CLASRP: variants seen among roughly 807,000 people sequenced by gnomAD.
CLASRP encodes the protein CLK4-associating serine/arginine rich protein.
CLASRP carries 52 observed loss-of-function variants against 99.9 expected under a neutral mutation model. That is an observed-to-expected ratio of 0.52 (90% confidence interval 0.42 to 0.66). The LOEUF (loss-of-function observed/expected upper bound fraction) is 0.66, where lower values mean the gene tolerates loss of function less well. Among genes scored for constraint, CLASRP ranks in the 30% least tolerant of loss-of-function variants. The probability of loss-of-function intolerance (pLI) is 0.00; values close to 1 mark genes in which losing one functional copy is unlikely to be tolerated. For missense variants in CLASRP, 848 were observed against 999.2 expected (o/e 0.85, Z 2.04); for synonymous variants, 379 against 373.0 (o/e 1.02, Z -0.18).
intron 7 of CLASRP, 83 bp from the exon 8 acceptor site, chr19:45,059,185 C>G (rs1966885059): frequency 8.3e-7 from 1 of 1,204,752 alleles, no homozygotes; most frequent in Admixed American, 2.0e-5. Flanking sequence ...GGCGCCCCAT[C>G]ATCCCCGCCT....
Position 45,070,853 on chromosome 19 carries a change from AGTGGGGG to A in CLASRP, c.*15_*21del. On this transcript the variant is annotated 3_prime_UTR_variant, in exon 21 of 21. Coordinates refer to ENST00000221455, the MANE Select transcript of CLASRP (RefSeq NM_007056.3). ...CCCCATTACCGACATTAGGCAGAAG[AGTGGGGG>A]GTGGGGAGGACAAGGGGGTGGGTAA... The A allele has an allele frequency of 1.1e-6, 1 of 909,050 alleles. No homozygotes were observed. Among genetic ancestry groups the A allele is most frequent in the Non-Finnish European group, 1.6e-6 (1 of 611,390 alleles). 56.3% of individuals were successfully genotyped at this position (909,050 alleles called of 1,614,324 possible).
chr19:45,052,532 G>A (rs886592418), intron 3 of CLASRP, among the ~76,000 whole-genome samples: 1 of 152,114 alleles, frequency 6.6e-6, no homozygotes, highest in Non-Finnish European at 1.5e-5. Flanking sequence ...TTGCTTGGTT[G>A]TGAGAAATGG....
At position 45,068,499 on chromosome 19, in the gene CLASRP, C is replaced by T. The variant is rs764855238; in HGVS notation, c.1768+19C>T. ...AGGCAGTGTATGTTCTGCCCTGTCC[C>T]TCCAGGGTTTCACAGCTCTTCTTTC... On this transcript the variant is annotated intron_variant, in intron 16 of 20. Coordinates refer to ENST00000221455, the MANE Select transcript of CLASRP (RefSeq NM_007056.3). 2 of 1,588,458 alleles carry T rather than the reference C, an allele frequency of 1.3e-6. No individual in the cohort carries two copies. Among genetic ancestry groups the T allele is most frequent in the African/African-American group, 1.3e-5 (1 of 74,490 alleles).
At chr19:45,055,599 T>C (rs1302766661) in intron 5 of CLASRP, among the ~76,000 whole-genome samples, 1 of 151,784 alleles carries the variant, frequency 6.6e-6, no homozygotes, top group South Asian at 2.1e-4. Flanking sequence ...CTTTGGGAGG[T>C]TGAGGCGGTG....
chr19:45,068,309 T>TGTGCCCCCC, intron 15 of CLASRP, 111 bp from the exon 16 acceptor site: 1 of 651,146 alleles, frequency 1.5e-6, no homozygotes. Context: ...CCCACGTCGT[T>TGTGCCCCCC]CTCCCCCCCC....
In CLASRP at chr19:45,060,786, C is replaced by T. The variant is rs944472367; in HGVS notation, c.863+159C>T. On this transcript the variant is annotated intron_variant, in intron 10 of 20. Transcript: ENST00000221455. The surrounding 1 kb of genome is among the most constrained non-coding windows in gnomAD (Gnocchi z 4.6). ...CATCGTGAAGGTTTAGAGGTAGGAA[C>T]GGCCTTGAGGGCCATGTGGACTCCT... 2.0e-5 allele frequency among the ~76,000 whole-genome samples: 3 copies of T among 152,196 alleles called. No homozygotes were observed. The highest frequency in any genetic ancestry group is 2.9e-5 in the Non-Finnish European group (2 of 68,026).
chr19:45,065,370 CAG>C (rs1023502908), intron 13 of CLASRP, among the ~76,000 whole-genome samples: 9 of 137,604 alleles, frequency 6.5e-5, no homozygotes, highest in African/African-American at 2.5e-4. Flanking sequence ...AGCCTGGTGA[CAG>C]AGTGAGATTC....
At chr19:45,048,492 C>T (rs1455852194) in intron 2 of CLASRP, among the ~76,000 whole-genome samples, 1 of 151,412 alleles carries the variant, frequency 6.6e-6, no homozygotes, top group Non-Finnish European at 1.5e-5. Context: ...TGCCATTGCA[C>T]TCCAGCCTGG....
At chr19:45,041,185 G>C (rs1971805682) in intron 2 of CLASRP, among the ~76,000 whole-genome samples, 2 of 147,748 alleles carry the variant, frequency 1.4e-5, no homozygotes, top group South Asian at 4.3e-4. Flanking sequence ...AGCTGAGATA[G>C]CACCATTGCA....
chr19:45,060,753 T>C lies in CLASRP; in HGVS notation c.863+126T>C. On this transcript the variant is annotated intron_variant, in intron 10 of 20. Transcript: ENST00000221455. The surrounding 1 kb of genome is among the most constrained non-coding windows in gnomAD (Gnocchi z 4.6). ...GAAAGGAGTCTTTCTAGTGGGGCGATGCATGGCCATCGTGAAGGTTTAGAG... is the reference window on the plus strand; with the variant it reads ...GAAAGGAGTCTTTCTAGTGGGGCGACGCATGGCCATCGTGAAGGTTTAGAG... 1.4e-6 allele frequency: 1 copy of C among 735,088 alleles called. No homozygotes were observed. The highest frequency in any genetic ancestry group is 2.2e-6 in the Non-Finnish European group (1 of 448,426). The allele number at this position is 735,088 out of a possible 1,614,324, so 45.5% of individuals were successfully genotyped here.
intron 2 of CLASRP, among the ~76,000 whole-genome samples, chr19:45,041,450 C>T (rs193066402): frequency 6.6e-6 from 1 of 152,244 alleles, no homozygotes; most frequent in Admixed American, 6.5e-5. Context: ...TATTACCCCC[C>T]CTCACCTATT....
chr19:45,064,185 C>T lies in CLASRP; in HGVS notation c.1079C>T (p.Pro360Leu), dbSNP rs1722416044. The part of the protein sequence containing the change: ...GVTTGKPPAP[P>L]QPGGPAPGRN... ...ACCACAGGGAAGCCCCCCGCACCTC[C>T]CCAGCCTGGCGGCCCCGCCCCGGGA... The change falls in exon 12 of 21, where the codon CCC becomes CTC. Residue 360 changes from proline (P) to leucine (L), a missense_variant. Around this residue, in one of 8 missense-constraint regions of CLASRP, gnomAD observed 489 missense variants for 434.7 expected, o/e 1.12. Transcript: ENST00000221455. 6.2e-7 allele frequency: 1 copy of T among 1,607,252 alleles called. No homozygotes were observed. The highest frequency in any genetic ancestry group is 1.3e-5 in the African/African-American group (1 of 74,886).
chr19:45,039,213 C>T lies in CLASRP; in HGVS notation c.-30+105C>T, dbSNP rs34034621. On this transcript the variant is annotated intron_variant, in intron 1 of 20. Transcript: ENST00000221455. ...ATGCTGCTGTGGGCTTCTGCTGCGT[C>T]CCGGCCCCGAGGATCGCTCGTCCCT... The T allele has an allele frequency of 4.5e-3, 680 of 152,594 alleles. 3 individuals are homozygous for T. The highest frequency in any genetic ancestry group is 7.6e-3 in the Non-Finnish European group (520 of 68,254). The allele number at this position is 152,594 out of a possible 1,614,324, so 9.5% of individuals were successfully genotyped here.
In CLASRP at chr19:45,057,797, C is replaced by T. The variant is rs752674221; in HGVS notation, c.512C>T (p.Thr171Met). 3.8e-5 allele frequency: 62 copies of T among 1,614,024 alleles called. No homozygotes were observed. Among genetic ancestry groups the T allele is most frequent in the Middle Eastern group, 1.7e-4 (1 of 6,056 alleles). The change falls in exon 7 of 21, where the codon ACG becomes ATG. Residue 171 changes from threonine (T) to methionine (M), a missense_variant. Physicochemically the swap from Thr to Met is moderately conservative, Grantham distance 81. Around this residue, in one of 8 missense-constraint regions of CLASRP, gnomAD observed 119 missense variants for 170.2 expected, o/e 0.70. Transcript: ENST00000221455. Reference protein sequence around the residue: ...ASIGYTYEDSTVAEVEKAAEK... With the variant: ...ASIGYTYEDSMVAEVEKAAEK... Reference sequence around the variant, plus strand: ...ATCGGTTATACCTACGAGGACAGCACGGTGGCCGAGGTAGAGAAGGCGGCA... The same window carrying T: ...ATCGGTTATACCTACGAGGACAGCATGGTGGCCGAGGTAGAGAAGGCGGCA...
chr19:45,057,266 A>G (rs905238235), intron 6 of CLASRP, among the ~76,000 whole-genome samples: 1 of 152,006 alleles, frequency 6.6e-6, no homozygotes, highest in Admixed American at 6.6e-5. Context: ...GCTACCCCTG[A>G]CTGCTTGCCG....
chr19:45,069,173 C>G (rs1342537580), intron 17 of CLASRP, 29 bp from the exon 18 acceptor site: 3 of 1,614,012 alleles, frequency 1.9e-6, no homozygotes, highest in Non-Finnish European at 2.5e-6. Flanking sequence ...GCTGGCCTGG[C>G]CACGTCCTCA....
At chr19:45,054,134 C>T (rs745530089) in intron 5 of CLASRP, among the ~76,000 whole-genome samples, 6 of 152,258 alleles carry the variant, frequency 3.9e-5, no homozygotes, top group South Asian at 2.1e-4. Flanking sequence ...GGAAACTTCT[C>T]GCTGCTCTGG....
chr19:45,052,737 C>T (rs1160471319), intron 3 of CLASRP, 54 bp from the exon 4 acceptor site: 6 of 1,342,800 alleles, frequency 4.5e-6, no homozygotes, highest in Non-Finnish European at 5.3e-6. Flanking sequence ...TGCTTTGTGT[C>T]CTGGGCAGTA....
Position 45,062,204 on chromosome 19 carries a change from C to T in CLASRP, c.905+9C>T. 1 of 1,464,514 alleles carries T rather than the reference C, an allele frequency of 6.8e-7. No individual in the cohort carries two copies. The highest frequency in any genetic ancestry group is 1.1e-5 in the South Asian group (1 of 88,120). The allele number at this position is 1,464,514 out of a possible 1,614,324, so 90.7% of individuals were successfully genotyped here. On this transcript the variant is annotated intron_variant, in intron 11 of 20. Coordinates refer to ENST00000221455, the MANE Select transcript of CLASRP (RefSeq NM_007056.3). Reference sequence around the variant, plus strand: ...TATGACCCCTATAAGCGGTAAGTTGCTCTGGAGGACCAGGGAATAGCAGAC... The same window carrying T: ...TATGACCCCTATAAGCGGTAAGTTGTTCTGGAGGACCAGGGAATAGCAGAC...
Sources: gnomAD v4.1 joint callset for allele counts (sites outside exome capture counted in the v4.1 genomes callset) on GRCh38, gnomAD v4.1.1 for gene constraint, gnomAD v4.1.1 regional missense constraint, Gnocchi (gnomAD v3.1) non-coding constraint, MANE v1.5 for transcripts, NCBI Gene and HGNC (gene_info 2026-07-23, HGNC 2026-07-21) for gene names.